CWF19L2: variants seen among roughly 807,000 people sequenced by gnomAD.
The protein encoded by CWF19L2 is CWF19-like protein 2.
Under a neutral mutation model 111.7 loss-of-function variants are expected in CWF19L2, and 98 were observed. The ratio of observed to expected loss-of-function variants is 0.88; its 90% CI spans 0.75 to 1.04. The LOEUF (loss-of-function observed/expected upper bound fraction) is 1.04. Ranked by LOEUF, CWF19L2 falls within the 50% of genes least tolerant of loss-of-function variation. The pLI, the probability that CWF19L2 is intolerant of heterozygous loss-of-function variation, is 0.00. For synonymous variants in CWF19L2, 351 were observed against 342.9 expected, an observed-to-expected ratio of 1.02 and a Z score of -0.26; for missense variants, 1,101 against 1,051.4, an observed-to-expected ratio of 1.05 and a Z score of -0.65.
intron 16 of CWF19L2, among the ~76,000 whole-genome samples, chr11:107,332,806 A>G (rs1230094923): frequency 2.0e-5 from 3 of 152,102 alleles, no homozygotes; most frequent in Non-Finnish European, 2.9e-5. Context: ...TCTTACTTCC[A>G]TCCACATAAT....
chr11:107,370,318 A>G (rs1237961920), intron 12 of CWF19L2, among the ~76,000 whole-genome samples: 2 of 137,326 alleles, frequency 1.5e-5, no homozygotes, highest in Admixed American at 7.2e-5. Context: ...AGGGGAGGGG[A>G]GTAAGACAAG....
At chr11:107,348,630 G>C (rs1860114641) in intron 14 of CWF19L2, 1 of 166,716 alleles carries the variant, frequency 6.0e-6, no homozygotes, top group African/African-American at 2.4e-5. Flanking sequence ...GCTTACTGTG[G>C]TAAGAATGAT....
At chr11:107,361,361 T>C (rs1860332202) in intron 12 of CWF19L2, among the ~76,000 whole-genome samples, 1 of 152,276 alleles carries the variant, frequency 6.6e-6, no homozygotes, top group South Asian at 2.1e-4. Context: ...ACTATAGCGT[T>C]TTCAGTATAA....
chr11:107,372,972 G>A (rs1860535551), intron 12 of CWF19L2, among the ~76,000 whole-genome samples: 1 of 100,998 alleles, frequency 9.9e-6, no homozygotes, highest in Admixed American at 9.0e-5. Context: ...AGTGCAAGGG[G>A]TCAGGGAGTT....
At position 107,367,390 on chromosome 11, in the gene CWF19L2, A is replaced by G. The variant is rs1477237476; in HGVS notation, c.1873-13654T>C. Among the ~76,000 whole-genome samples the G allele has an allele frequency of 4.7e-5, 6 of 126,956 alleles. 1 individual carries two copies. Among genetic ancestry groups the G allele is most frequent in the Admixed American group, 7.7e-5 (1 of 12,920 alleles). 83.3% of individuals were successfully genotyped at this position (126,956 alleles called of 152,430 possible). ...GACACATGCACACGTATGTTTATTG[A>G]GGCATTATTCACAATAGCAAAGACT... On this transcript the variant is annotated intron_variant, in intron 12 of 17. Coordinates refer to ENST00000282251, the MANE Select transcript of CWF19L2 (RefSeq NM_152434.3).
At position 107,369,461 on chromosome 11, in the gene CWF19L2, C is replaced by CCA. The variant is rs1860478538; in HGVS notation, c.1873-15727_1873-15726dup. Among the ~76,000 whole-genome samples, 6 of 137,226 alleles carry CCA rather than the reference C, an allele frequency of 4.4e-5. 1 individual carries two copies. In the South Asian group the frequency reaches 1.5e-3, roughly 34 times the overall value. The allele number at this position is 137,226 out of a possible 152,430, so 90.0% of individuals were successfully genotyped here. ...GTATCAAGAGAAAAAACACAAAATG[C>CCA]CACATTTTTAAAACCATAATGACAA... On this transcript the variant is annotated intron_variant, in intron 12 of 17. Coordinates refer to ENST00000282251, the MANE Select transcript of CWF19L2 (RefSeq NM_152434.3).
At chr11:107,457,094 A>G (rs1049894793) in intron 1 of CWF19L2, among the ~76,000 whole-genome samples, 7 of 152,230 alleles carry the variant, frequency 4.6e-5, no homozygotes, top group African/African-American at 1.7e-4. Flanking sequence ...TTGTCAGATA[A>G]TTCAGAAGCT....
At chr11:107,423,655 C>A (rs1049800600) in intron 8 of CWF19L2, among the ~76,000 whole-genome samples, 3 of 151,886 alleles carry the variant, frequency 2.0e-5, no homozygotes, top group Non-Finnish European at 4.4e-5. Flanking sequence ...AAGCTATTTA[C>A]GCAGTATTTC....
chr11:107,443,078 T>C (rs2135422904), intron 3 of CWF19L2, 29 bp from the exon 4 acceptor site: 5 of 1,392,764 alleles, frequency 3.6e-6, no homozygotes, highest in Non-Finnish European at 5.0e-6. Context: ...TAAGTGAAAT[T>C]GTCAAATTTG....
rs1332486689 is a variant in CWF19L2 at position 107,330,641 on chromosome 11, CCA to C, written c.2440-624_2440-623del. On this transcript the variant is annotated intron_variant, in intron 16 of 17. Coordinates refer to ENST00000282251, the MANE Select transcript of CWF19L2 (RefSeq NM_152434.3). ...CTTTCTCTCTCTACACACACCCCCC[CCA>C]CCACACACACACACACACACACACA... 9.8e-3 allele frequency among the ~76,000 whole-genome samples: 1,170 copies of C among 119,350 alleles called. 21 individuals carry two copies. Among genetic ancestry groups the C allele is most frequent in the African/African-American group, 0.036 (1,048 of 29,212 alleles). 78.3% of individuals were successfully genotyped at this position (119,350 alleles called of 152,430 possible).
At chr11:107,350,329 T>C (rs1021618585) in intron 13 of CWF19L2, among the ~76,000 whole-genome samples, 23 of 152,246 alleles carry the variant, frequency 1.5e-4, no homozygotes, top group African/African-American at 4.6e-4. Context: ...AATGTCTGTG[T>C]GCCTCCAAAA....
At chr11:107,386,377 C>A (rs1346846664) in intron 12 of CWF19L2, among the ~76,000 whole-genome samples, 1 of 152,144 alleles carries the variant, frequency 6.6e-6, no homozygotes. Context: ...GCCTTTCCTC[C>A]TTATATAATT....
chr11:107,362,953 A>C (rs201774508), intron 12 of CWF19L2, among the ~76,000 whole-genome samples: 1 of 151,942 alleles, frequency 6.6e-6, no homozygotes, highest in East Asian at 1.9e-4. Flanking sequence ...TATAACTAGA[A>C]CAACCAATAC....
rs781749675 is a variant in CWF19L2 at position 107,349,046 on chromosome 11, A to C, written c.2093T>G (p.Leu698Ter). 6.4e-7 allele frequency: 1 copy of C among 1,559,106 alleles called. No individual in the cohort carries two copies. Among genetic ancestry groups the C allele is most frequent in the South Asian group, 1.1e-5 (1 of 88,286 alleles). ...LIVAIGVKVYLCLPNVRSLTE... is the reference protein window; with the variant it reads ...LIVAIGVKVY ...AAGAGACCGTACGTTGGGTAAACAT[A>C]AATAAACCTATAAGAGAGAAATACA... is the stretch of plus-strand genomic sequence containing the variant. The change falls in exon 14 of 18, where the codon TTA (leucine) becomes TGA (stop). Residue 698 changes from leucine to a stop codon, truncating the protein, a stop_gained. Coordinates refer to ENST00000282251, the MANE Select transcript of CWF19L2 (RefSeq NM_152434.3). LOFTEE classifies it high-confidence loss of function.
intron 10 of CWF19L2, among the ~76,000 whole-genome samples, chr11:107,412,966 T>G (rs180784021): frequency 1.3e-5 from 2 of 151,786 alleles, no homozygotes; most frequent in Admixed American, 1.3e-4. Context: ...TTGCCAGGAG[T>G]TAAGGGGTAG....
chr11:107,440,392 C>T (rs1054892379), intron 5 of CWF19L2, among the ~76,000 whole-genome samples: 3 of 152,034 alleles, frequency 2.0e-5, no homozygotes, highest in Non-Finnish European at 4.4e-5. Context: ...GAAAAAGAAC[C>T]TTCAAAGGAC....
chr11:107,438,538 A>C (rs1322170056), intron 6 of CWF19L2, among the ~76,000 whole-genome samples: 2 of 152,220 alleles, frequency 1.3e-5, no homozygotes, highest in African/African-American at 4.8e-5. Context: ...TACTCATAGA[A>C]TCATACTTTG....
At position 107,418,276 on chromosome 11, in the gene CWF19L2, C is replaced by G; in HGVS notation, c.1445G>C (p.Arg482Pro). Residue 482 changes from arginine to proline, a missense_variant, in exon 9 of 18, where the codon CGT (arginine) becomes CCT (proline). Physicochemically the swap from Arg to Pro is moderately radical, Grantham distance 103. Coordinates refer to ENST00000282251, the MANE Select transcript of CWF19L2 (RefSeq NM_152434.3). The part of the protein sequence containing the change: ...TKSTFAGSPE[R>P]ESIHILSVDE... ...AACACTCAGGATGTGAATGGACTCACGCTCTGGACTGCTATTGGAATAGGA... is the reference window on the plus strand; with the variant it reads ...AACACTCAGGATGTGAATGGACTCAGGCTCTGGACTGCTATTGGAATAGGA... 1 of 1,609,926 alleles carries G rather than the reference C, an allele frequency of 6.2e-7. No homozygotes were observed. The highest frequency in any genetic ancestry group is 8.5e-7 in the Non-Finnish European group (1 of 1,176,222).
intron 15 of CWF19L2, among the ~76,000 whole-genome samples, chr11:107,335,450 G>A (rs967341068): frequency 1.3e-5 from 2 of 152,046 alleles, no homozygotes; most frequent in Non-Finnish European, 2.9e-5. Context: ...AGAAAATAAA[G>A]CCTATTTTTT....
Sources: gnomAD v4.1 joint callset for allele counts (sites outside exome capture counted in the v4.1 genomes callset) on GRCh38, gnomAD v4.1.1 for gene constraint, MANE v1.5 for transcripts, NCBI Gene and HGNC (gene_info 2026-07-23, HGNC 2026-07-21) for gene names.